SPDYE1: variants seen among roughly 807,000 people sequenced by gnomAD.
SPDYE1 encodes speedy protein E1.
In SPDYE1, 29 loss-of-function variants were observed where a neutral mutation model predicts 45.9. The ratio of observed to expected loss-of-function variants is 0.63; its 90% confidence interval spans 0.47 to 0.86. The LOEUF is 0.86. SPDYE1 is among the 40% of genes least tolerant of loss of function. The pLI is 0.00. For synonymous variants in SPDYE1, 134 were observed against 176.8 expected (o/e 0.76, Z 1.92); for missense variants, 346 against 481.4 (o/e 0.72, Z 2.63).
At chr7:44,004,236 TGTTGGCCAG>T in intron 5 of SPDYE1, 1 of 445,840 alleles carries the variant, frequency 2.2e-6, no homozygotes, top group South Asian at 2.2e-5. Context: ...GGTTTTGCCA[TGTTGGCCAG>T]GTTGGTCCTG....
Position 44,002,612 on chromosome 7 carries a change from C to T in SPDYE1, c.402C>T (p.Pro134=). 6.3e-7 allele frequency: 1 copy of T among 1,594,674 alleles called. No homozygotes were observed. The highest frequency in any genetic ancestry group is 8.5e-7 in the Non-Finnish European group (1 of 1,178,918). Residue 134 remains proline, a synonymous_variant, in exon 4 of 9, where the codon CCC becomes CCT. Coordinates refer to ENST00000693451, the MANE Select transcript of SPDYE1 (RefSeq NM_001378423.2). ...SQLAPGVDPS[P]PHRSFCWKRK... is the part of the protein sequence containing the mutation. The stretch of plus-strand genomic sequence containing the variant: ...CAGCCCCTGGGGTAGATCCCAGCCC[C>T]CCGCATAGGTCCTTTTGCTGGAAAA...
At chr7:44,004,076 C>A in intron 5 of SPDYE1, 165 bp downstream of exon 5, 5 of 1,246,648 alleles carry the variant, frequency 4.0e-6, no homozygotes, top group Non-Finnish European at 5.5e-6. Context: ...TGCTCTGTTG[C>A]CCAGGCTGGA....
intron 8 of SPDYE1, among the ~76,000 whole-genome samples, chr7:44,008,164 C>T (rs1247289302): frequency 6.6e-6 from 1 of 152,166 alleles, no homozygotes; most frequent in Non-Finnish European, 1.5e-5. Context: ...CGATTTGGGT[C>T]GAGGGTTCAG....
chr7:44,007,962 G>C, intron 8 of SPDYE1, 149 bp downstream of exon 8: 1 of 1,504,104 alleles, frequency 6.6e-7, no homozygotes, highest in Non-Finnish European at 8.9e-7. Flanking sequence ...GGCAATGTGG[G>C]ACGCATCTCT....
intron 1 of SPDYE1, among the ~76,000 whole-genome samples, 155 bp from the exon 2 acceptor site, chr7:43,999,373 T>C (rs1379647417): frequency 6.6e-6 from 1 of 151,026 alleles, no homozygotes; most frequent in Admixed American, 6.6e-5. Flanking sequence ...TGTGACTTTT[T>C]CATCAAGTCA....
intron 5 of SPDYE1, 198 bp from the exon 6 acceptor site, chr7:44,004,944 C>A: frequency 3.0e-6 from 2 of 664,952 alleles, no homozygotes; most frequent in Non-Finnish European, 5.5e-6. Context: ...ACCCAAAACC[C>A]TTCCTCTGGC....
At chr7:44,005,483 G>A (rs2096069995) in intron 6 of SPDYE1, 1 of 541,004 alleles carries the variant, frequency 1.8e-6, no homozygotes, top group South Asian at 2.0e-5. Flanking sequence ...TTCGAGACCA[G>A]CCTGGCCAAC....
Position 44,009,372 on chromosome 7 carries a change from T to C in SPDYE1, c.*751T>C, listed in dbSNP as rs1004128743. 14 of 151,748 alleles carry C rather than the reference T, an allele frequency of 9.2e-5. No individual in the cohort carries two copies. The highest frequency in any genetic ancestry group is 5.3e-4 in the Admixed American group (8 of 15,194). 9.4% of individuals were successfully genotyped at this position (151,748 alleles called of 1,614,324 possible). ...CTGAAGCGAGCACTCTTTTTATCTA[T>C]GATACTTCCATAATAATCTCTTCTA... On this transcript the variant is annotated 3_prime_UTR_variant, in exon 9 of 9. Coordinates refer to ENST00000693451, the MANE Select transcript of SPDYE1 (RefSeq NM_001378423.2).
rs902867942 is a variant in SPDYE1 at position 44,008,914 on chromosome 7, T to G, written c.*293T>G. The G allele has an allele frequency of 1.1e-4, 63 of 580,424 alleles. No individual in the cohort carries two copies. Among genetic ancestry groups the G allele is most frequent in the African/African-American group, 1.0e-3 (54 of 52,944 alleles). The allele number at this position is 580,424 out of a possible 1,614,324, so 36.0% of individuals were successfully genotyped here. On this transcript the variant is annotated 3_prime_UTR_variant, in exon 9 of 9. Coordinates refer to ENST00000693451, the MANE Select transcript of SPDYE1 (RefSeq NM_001378423.2). ...CCAGGAGTGTTTCCAGTTCCACCCT[T>G]TCCTGGGGCACCACCACCCTTTTTA...
intron 3 of SPDYE1, among the ~76,000 whole-genome samples, chr7:44,001,855 G>A (rs1385852128): frequency 3.3e-5 from 5 of 151,796 alleles, no homozygotes; most frequent in South Asian, 2.1e-4. Context: ...CAGGATAATC[G>A]CTTGAACCCA....
Position 44,008,688 on chromosome 7 carries a change from G to A in SPDYE1, c.*67G>A, listed in dbSNP as rs969504181. ...CCAGAACACCGGACCCAGGGGAGAT[G>A]TGGATTTTCAGCAGGAACTTTATTC... On this transcript the variant is annotated 3_prime_UTR_variant, in exon 9 of 9. Coordinates refer to ENST00000693451, the MANE Select transcript of SPDYE1 (RefSeq NM_001378423.2). 512 of 1,274,184 alleles carry A rather than the reference G, an allele frequency of 4.0e-4. No homozygotes were observed. The highest frequency in any genetic ancestry group is 5.0e-4 in the Non-Finnish European group (486 of 977,616). 78.9% of individuals were successfully genotyped at this position (1,274,184 alleles called of 1,614,324 possible). A position where few individuals can be genotyped will look rare whatever the true frequency, so the allele number is the denominator to read the frequency against.
At chr7:44,002,306 T>TCAACAA (rs1222736622) in intron 3 of SPDYE1, among the ~76,000 whole-genome samples, 1 of 79,252 alleles carries the variant, frequency 1.3e-5, no homozygotes, top group Non-Finnish European at 2.4e-5. Context: ...AGACTGTTTC[T>TCAACAA]CAACAACAAC....
chr7:44,005,181 G>T lies in SPDYE1; in HGVS notation c.706G>T (p.Gly236Cys), dbSNP rs781278170. 2 of 1,611,934 alleles carry T rather than the reference G, an allele frequency of 1.2e-6. No individual in the cohort carries two copies. The highest frequency in any genetic ancestry group is 1.7e-6 in the Non-Finnish European group (2 of 1,179,854). ...AMVIAYFSRA[G>C]FPSWQYQRLH... ...GGTCATAGCGTATTTCAGCCGAGCC[G>T]GCTTCCCCTCCTGGCAATACCAACG... Residue 236 changes from glycine to cysteine, a missense_variant, in exon 6 of 9, where the codon GGC becomes TGC. Gly to Cys is a radical substitution (Grantham distance 159). This residue lies in a region of SPDYE1 where 186 missense variants were observed against 219.1 expected (regional missense o/e 0.85). Transcript: ENST00000693451.
At position 44,009,495 on chromosome 7, in the gene SPDYE1, T is replaced by C. The variant is rs1314459874; in HGVS notation, c.*874T>C. 6.6e-6 allele frequency: 1 copy of C among 151,560 alleles called. No individual in the cohort carries two copies. Among genetic ancestry groups the C allele is most frequent in the Non-Finnish European group, 1.5e-5 (1 of 67,910 alleles). 9.4% of individuals were successfully genotyped at this position (151,560 alleles called of 1,614,324 possible). The stretch of plus-strand genomic sequence containing the variant: ...ATTGTGAGAATTCAGTTGTGATTTT[T>C]AACATGTGTCAGATATATATACTAA... On this transcript the variant is annotated 3_prime_UTR_variant, in exon 9 of 9. Coordinates refer to ENST00000693451, the MANE Select transcript of SPDYE1 (RefSeq NM_001378423.2).
At chr7:44,005,248 T>C (rs1425104214) in intron 6 of SPDYE1, 21 bp downstream of exon 6, 3 of 1,611,430 alleles carry the variant, frequency 1.9e-6, no homozygotes, top group South Asian at 2.2e-5. Context: ...TGCTGCCTCC[T>C]ATCCGTCAAT....
intron 3 of SPDYE1, among the ~76,000 whole-genome samples, chr7:44,002,005 G>A (rs2096063983): frequency 6.6e-6 from 1 of 151,266 alleles, no homozygotes; most frequent in Non-Finnish European, 1.5e-5. Context: ...AGGAGGGTGT[G>A]TGGGAAGAAT....
rs2096076510 is a variant in SPDYE1, at chr7:44,009,665, T to C, written c.*1044T>C. The C allele has an allele frequency of 6.7e-6, 1 of 149,948 alleles. No individual in the cohort carries two copies. The highest frequency in any genetic ancestry group is 1.5e-5 in the Non-Finnish European group (1 of 67,570). The allele number at this position is 149,948 out of a possible 1,614,324, so 9.3% of individuals were successfully genotyped here. ...ATTACTTTAAATATTATTTTAAATA[T>C]TTTGGAAATACTGGTATTTTTGAAT... is the stretch of plus-strand genomic sequence containing the variant. On this transcript the variant is annotated 3_prime_UTR_variant, in exon 9 of 9. Transcript: ENST00000693451.
At chr7:44,001,664 C>T (rs948427925) in intron 3 of SPDYE1, among the ~76,000 whole-genome samples, 22 of 152,098 alleles carry the variant, frequency 1.4e-4, no homozygotes, top group African/African-American at 3.9e-4. Flanking sequence ...AAAAGAAAAA[C>T]GAAGGCCGGG....
chr7:44,001,873 G>A (rs1400279073), intron 3 of SPDYE1, among the ~76,000 whole-genome samples: 7 of 151,894 alleles, frequency 4.6e-5, no homozygotes, highest in African/African-American at 1.7e-4. Context: ...CCAGGTGGAA[G>A]AGGTTGTTTT....
Sources: allele counts gnomAD v4.1 joint callset (sites outside exome capture counted in the v4.1 genomes callset), GRCh38; gene constraint gnomAD v4.1.1; regional missense constraint gnomAD v4.1.1; transcripts MANE v1.5; gene names NCBI Gene and HGNC (gene_info 2026-07-23, HGNC 2026-07-21).